The following ARID1B variants were observed in gnomAD, a reference collection of about 807,000 sequenced individuals.
ARID1B encodes AT-rich interaction domain 1B.
Under a neutral mutation model 212.3 loss-of-function variants are expected in ARID1B, and 30 were observed. The ratio of observed to expected loss-of-function variants is 0.14; its 90% CI spans 0.11 to 0.19. ARID1B has a LOEUF of 0.19. ARID1B is among the 10% of genes least tolerant of loss of function. ARID1B has a pLI of 1.00. For synonymous variants in ARID1B, 1,402 were observed against 1,301.7 expected, an observed-to-expected ratio of 1.08 and a Z score of -1.66; for missense variants, 2,891 against 3,204.0, an observed-to-expected ratio of 0.90 and a Z score of 2.36.
At chr6:156,951,477 T>C (rs1392170298) in intron 4 of ARID1B, among the ~76,000 whole-genome samples, 2 of 152,084 alleles carry the variant, frequency 1.3e-5, no homozygotes, top group East Asian at 3.8e-4. Context: ...GGAGTCTCGC[T>C]CTGTCATCCA....
intron 4 of ARID1B, among the ~76,000 whole-genome samples, chr6:157,021,440 C>T (rs573796478): frequency 4.3e-4 from 65 of 152,326 alleles, no homozygotes; most frequent in Non-Finnish European, 8.1e-4. Context: ...GACCGAGTCA[C>T]ACAGCAGCCC....
intron 2 of ARID1B, among the ~76,000 whole-genome samples, chr6:156,872,521 A>C (rs929080111): frequency 7.2e-5 from 11 of 152,076 alleles, no homozygotes; most frequent in African/African-American, 2.7e-4. Context: ...GGGTTTCGTC[A>C]TGTTGGCCAG....
chr6:156,993,878 T>A (rs1325719135), intron 4 of ARID1B, among the ~76,000 whole-genome samples: 1 of 152,244 alleles, frequency 6.6e-6, no homozygotes, highest in African/African-American at 2.4e-5. Context: ...GTTTATCTCT[T>A]CGTAAAATAT....
chr6:156,858,681 A>G (rs1785112819), intron 2 of ARID1B, among the ~76,000 whole-genome samples: 1 of 152,164 alleles, frequency 6.6e-6, no homozygotes, highest in Non-Finnish European at 1.5e-5. Flanking sequence ...AGGCAGGAGA[A>G]TCGCTTGGAC....
intron 10 of ARID1B, chr6:157,174,435 C>T: frequency 4.2e-6 from 1 of 240,842 alleles, no homozygotes. Flanking sequence ...GCCATTTTCT[C>T]TGCCTTCAGT....
chr6:157,114,570 T>C (rs1248072775), intron 6 of ARID1B, among the ~76,000 whole-genome samples: 1 of 118,006 alleles, frequency 8.5e-6, no homozygotes, highest in Non-Finnish European at 1.8e-5. Context: ...ATGGAAACCA[T>C]AGACCCTGAT....
chr6:156,779,580 C>A, intron 1 of ARID1B, 109 bp downstream of exon 1: 1 of 1,098,562 alleles, frequency 9.1e-7, no homozygotes, highest in Non-Finnish European at 1.1e-6. Context: ...GCGGGGGCGG[C>A]GGGGGCGCGG....
At chr6:157,050,909 C>G (rs1743976641) in intron 4 of ARID1B, among the ~76,000 whole-genome samples, 1 of 152,190 alleles carries the variant, frequency 6.6e-6, no homozygotes, top group South Asian at 2.1e-4. Context: ...TTTCCTTTTA[C>G]ATAGGAGGCC....
At chr6:156,817,412 G>A (rs1336545293) in intron 1 of ARID1B, among the ~76,000 whole-genome samples, 1 of 152,056 alleles carries the variant, frequency 6.6e-6, no homozygotes, top group Non-Finnish European at 1.5e-5. Context: ...GAGGCAGGAG[G>A]ATCACTTGAG....
chr6:156,852,691 T>C (rs1387419630), intron 2 of ARID1B, among the ~76,000 whole-genome samples: 1 of 152,204 alleles, frequency 6.6e-6, no homozygotes, highest in East Asian at 1.9e-4. Flanking sequence ...AACAGTGGGC[T>C]CTCTGGCTCT....
intron 9 of ARID1B, among the ~76,000 whole-genome samples, chr6:157,170,620 G>A (rs1791652797): frequency 6.6e-6 from 1 of 152,234 alleles, no homozygotes; most frequent in Admixed American, 6.5e-5. Context: ...TCCAGACTCT[G>A]TAGGTGGCTG....
chr6:157,021,965 C>T (rs1488362286), intron 4 of ARID1B, among the ~76,000 whole-genome samples: 1 of 152,226 alleles, frequency 6.6e-6, no homozygotes, highest in Middle Eastern at 3.2e-3. Flanking sequence ...TTTTCCCCTA[C>T]TTCCTTTGGT....
chr6:156,800,876 TAGAG>T (rs1311647236), intron 1 of ARID1B, among the ~76,000 whole-genome samples: 1 of 152,022 alleles, frequency 6.6e-6, no homozygotes, highest in Non-Finnish European at 1.5e-5. Context: ...GCCTGGGAGA[TAGAG>T]AAAGACCGTG....
At chr6:156,817,100 A>T (rs1325885196) in intron 1 of ARID1B, among the ~76,000 whole-genome samples, 3 of 152,004 alleles carry the variant, frequency 2.0e-5, no homozygotes, top group Non-Finnish European at 4.4e-5. Flanking sequence ...AAAGAAAAAA[A>T]AAGGCCGGGC....
chr6:157,093,931 G>A (rs1249855014), intron 5 of ARID1B, among the ~76,000 whole-genome samples: 3 of 152,210 alleles, frequency 2.0e-5, no homozygotes, highest in African/African-American at 7.2e-5. Context: ...GGGTAAAGGC[G>A]CTGAACATAA....
At chr6:157,040,689 C>T (rs528489507) in intron 4 of ARID1B, among the ~76,000 whole-genome samples, 2 of 152,266 alleles carry the variant, frequency 1.3e-5, no homozygotes, top group South Asian at 2.1e-4. Flanking sequence ...TGTGCAGTCT[C>T]GCAAAACTAT....
intron 5 of ARID1B, among the ~76,000 whole-genome samples, chr6:157,099,502 A>G (rs753524946): frequency 6.6e-6 from 1 of 152,212 alleles, no homozygotes; most frequent in Non-Finnish European, 1.5e-5. Flanking sequence ...AGGAGGACCC[A>G]TGCGAAAAAC....
chr6:157,066,991 A>G (rs938031717), intron 4 of ARID1B, among the ~76,000 whole-genome samples: 2 of 152,128 alleles, frequency 1.3e-5, no homozygotes, highest in Non-Finnish European at 2.9e-5. Flanking sequence ...TCATGGCCCA[A>G]CCACCTCACC....
At chr6:156,902,735 CAAAAAAAAAAAAAAAAA>C in intron 3 of ARID1B, among the ~76,000 whole-genome samples, 1 of 61,678 alleles carries the variant, frequency 1.6e-5, no homozygotes, top group Admixed American at 2.1e-4. Flanking sequence ...GACTCTGTCT[CAAAAAAAAAAAAAAAAA>C]AAAAAAAAAA....
Sources: allele counts gnomAD v4.1 joint callset (sites outside exome capture counted in the v4.1 genomes callset), GRCh38; gene constraint gnomAD v4.1.1; transcripts MANE v1.5; gene names NCBI Gene and HGNC (gene_info 2026-07-23, HGNC 2026-07-21).